The following WDR72 variants were observed in gnomAD, a reference collection of about 807,000 sequenced individuals.
WDR72 encodes the protein WD repeat domain 72.
In WDR72, 120 loss-of-function variants were observed where a neutral mutation model predicts 124.2. That is an observed-to-expected ratio of 0.97 (90% CI 0.83 to 1.12). The LOEUF (loss-of-function observed/expected upper bound fraction) is 1.12, where lower values mean the gene tolerates loss of function less well. Among genes scored for constraint, WDR72 ranks in the 50% most tolerant of loss-of-function variants. WDR72 has a pLI of 0.00. For missense variants in WDR72, 1,387 were observed against 1,278.8 expected (o/e 1.08, Z -1.29); for synonymous variants, 452 against 441.7 (o/e 1.02, Z -0.29).
intron 18 of WDR72, among the ~76,000 whole-genome samples, chr15:53,541,281 C>G (rs570240322): frequency 1.3e-5 from 2 of 152,190 alleles, no homozygotes; most frequent in Admixed American, 6.5e-5. Flanking sequence ...TCTCCCAGTA[C>G]GCAGCTGGAG....
chr15:53,585,793 C>T (rs2012174243), intron 18 of WDR72, among the ~76,000 whole-genome samples: 1 of 151,946 alleles, frequency 6.6e-6, no homozygotes, highest in South Asian at 2.1e-4. Flanking sequence ...GATCTCTGCT[C>T]CAACGCTGGG....
intron 2 of WDR72, among the ~76,000 whole-genome samples, chr15:53,724,770 T>C (rs979430109): frequency 1.3e-5 from 2 of 152,210 alleles, no homozygotes; most frequent in Non-Finnish European, 2.9e-5. Flanking sequence ...TGTATTCATA[T>C]ATCAAATCAT....
chr15:53,532,602 TAGAGATAGAG>T (rs936825351), intron 18 of WDR72, among the ~76,000 whole-genome samples: 1 of 97,074 alleles, frequency 1.0e-5, no homozygotes, highest in Non-Finnish European at 2.4e-5. Context: ...ATTGAACTCT[TAGAGATAGAG>T]AGTAGAATGA....
intron 1 of WDR72, among the ~76,000 whole-genome samples, chr15:53,734,014 A>G (rs1270595978): frequency 6.6e-6 from 1 of 152,192 alleles, no homozygotes; most frequent in Non-Finnish European, 1.5e-5. Context: ...TACTTCCCAC[A>G]TTGCTTTGAG....
Position 53,734,152 on chromosome 15 carries a change from A to C in WDR72, c.-12-991T>G, listed in dbSNP as rs2018282630. Among the ~76,000 whole-genome samples the C allele has an allele frequency of 3.6e-5, 4 of 111,998 alleles. 1 individual carries two copies. In the South Asian group the frequency reaches 1.1e-3, roughly 30 times the overall value. The allele number at this position is 111,998 out of a possible 152,430, so 73.5% of individuals were successfully genotyped here. A position where few individuals can be genotyped will look rare whatever the true frequency, so the allele number is the denominator to read the frequency against. On this transcript the variant is annotated intron_variant, in intron 1 of 19. Coordinates refer to ENST00000360509, the MANE Select transcript of WDR72 (RefSeq NM_182758.4). The stretch of plus-strand genomic sequence containing the variant: ...ATTTCTAATGTTCAATTATATGTCT[A>C]CACACACACACACACAAATATATAC...
At chr15:53,532,968 G>C (rs1892563247) in intron 18 of WDR72, among the ~76,000 whole-genome samples, 1 of 152,024 alleles carries the variant, frequency 6.6e-6, no homozygotes, top group African/African-American at 2.4e-5. Flanking sequence ...TACGTAATAA[G>C]AACATGGCAC....
At chr15:53,716,447 C>A (rs752564520) in intron 4 of WDR72, among the ~76,000 whole-genome samples, 160 bp downstream of exon 4, 6 of 152,082 alleles carry the variant, frequency 3.9e-5, no homozygotes, top group Non-Finnish European at 5.9e-5. Flanking sequence ...AGCAAAATGC[C>A]AAAACAGCAG....
intron 1 of WDR72, among the ~76,000 whole-genome samples, chr15:53,739,295 G>A (rs897979264): frequency 2.0e-5 from 3 of 152,112 alleles, no homozygotes; most frequent in Non-Finnish European, 4.4e-5. Context: ...CATTAAAGCC[G>A]CAGAATCTGG....
chr15:53,686,762 T>A (rs1381197057), intron 13 of WDR72, among the ~76,000 whole-genome samples: 12 of 150,028 alleles, frequency 8.0e-5, no homozygotes, highest in Non-Finnish European at 7.4e-5. Context: ...ATATACATTT[T>A]TTTCAGCACC....
chr15:53,699,454 T>C (rs1403804435), intron 13 of WDR72, among the ~76,000 whole-genome samples: 1 of 152,180 alleles, frequency 6.6e-6, no homozygotes, highest in Non-Finnish European at 1.5e-5. Context: ...GACACTAAAT[T>C]TCTCTCTTGT....
intron 1 of WDR72, among the ~76,000 whole-genome samples, chr15:53,753,111 C>T (rs150697848): frequency 3.3e-5 from 5 of 152,282 alleles, no homozygotes; most frequent in African/African-American, 1.2e-4. Context: ...TTTGGCTTCT[C>T]GTGTAAAAAT....
At chr15:53,735,284 G>C (rs1437435688) in intron 1 of WDR72, among the ~76,000 whole-genome samples, 5 of 151,644 alleles carry the variant, frequency 3.3e-5, no homozygotes, top group Non-Finnish European at 7.4e-5. Context: ...GAGCAAGACA[G>C]GGGGGAAAAA....
intron 14 of WDR72, among the ~76,000 whole-genome samples, chr15:53,625,798 C>CA (rs5812699): frequency 0.35 from 48,759 of 139,388 alleles, 8,818 homozygotes; most frequent in African/African-American, 0.51. Flanking sequence ...ACTGTTCAGA[C>CA]AAAAAAAAAA....
At chr15:53,521,206 G>A (rs980334599) in intron 19 of WDR72, among the ~76,000 whole-genome samples, 1 of 152,092 alleles carries the variant, frequency 6.6e-6, no homozygotes, top group African/African-American at 2.4e-5. Flanking sequence ...TTTTAGCTAA[G>A]TGTTTGCTAT....
At chr15:53,609,395 A>G in intron 17 of WDR72, 118 bp downstream of exon 17, 1 of 873,354 alleles carries the variant, frequency 1.1e-6, no homozygotes, top group Non-Finnish European at 1.9e-6. Flanking sequence ...TGTCTGTTCA[A>G]AGGCCATTTT....
intron 2 of WDR72, among the ~76,000 whole-genome samples, chr15:53,723,486 T>TGTACC (rs2140580151): frequency 6.6e-6 from 1 of 152,344 alleles, no homozygotes; most frequent in South Asian, 2.1e-4. Context: ...GAGAGGTATC[T>TGTACC]GTACCCCCAT....
intron 12 of WDR72, among the ~76,000 whole-genome samples, chr15:53,701,391 A>G (rs2017168836): frequency 6.6e-6 from 1 of 152,064 alleles, no homozygotes; most frequent in African/African-American, 2.4e-5. Context: ...AAACAAAAAT[A>G]AAAAACAGTA....
At chr15:53,538,147 T>C (rs1892860984) in intron 18 of WDR72, among the ~76,000 whole-genome samples, 1 of 152,210 alleles carries the variant, frequency 6.6e-6, no homozygotes, top group African/African-American at 2.4e-5. Context: ...GAAATGATGA[T>C]ATGGTGATAT....
chr15:53,746,184 C>T (rs74710902), intron 1 of WDR72, among the ~76,000 whole-genome samples: 173 of 152,294 alleles, frequency 1.1e-3, no homozygotes, highest in African/African-American at 4.0e-3. Context: ...CTCCAGCCCG[C>T]CTTCATCTTC....
Sources: allele counts gnomAD v4.1 joint callset (sites outside exome capture counted in the v4.1 genomes callset), GRCh38; gene constraint gnomAD v4.1.1; transcripts MANE v1.5; gene names NCBI Gene and HGNC (gene_info 2026-07-23, HGNC 2026-07-21).